The following ROBO2 variants were observed in gnomAD, a reference collection of about 807,000 sequenced individuals.
ROBO2 encodes roundabout homolog 2.
A neutral mutation model predicts 160.8 loss-of-function variants in ROBO2; 53 were observed. That is an observed-to-expected ratio of 0.33 (90% confidence interval 0.26 to 0.41). The LOEUF (loss-of-function observed/expected upper bound fraction) is 0.41. Among genes scored for constraint, ROBO2 ranks in the 10% least tolerant of loss-of-function variants. The pLI, the probability that ROBO2 is intolerant of heterozygous loss-of-function variation, is 1.00. For synonymous variants in ROBO2, 664 were observed against 611.7 expected (o/e 1.09, Z -1.26); for missense variants, 1,577 against 1,722.4 (o/e 0.92, Z 1.49).
chr3:76,502,972 G>A (rs1306016964), intron 2 of ROBO2, among the ~76,000 whole-genome samples: 1 of 151,002 alleles, frequency 6.6e-6, no homozygotes, highest in Non-Finnish European at 1.5e-5. Flanking sequence ...TCTCTTAGAG[G>A]GACAGAACTA....
At chr3:77,555,798 A>G (rs2093096812) in intron 8 of ROBO2, among the ~76,000 whole-genome samples, 1 of 151,930 alleles carries the variant, frequency 6.6e-6, no homozygotes, top group Admixed American at 6.6e-5. Flanking sequence ...TGGAATCCCT[A>G]AATGTTCATT....
intron 2 of ROBO2, among the ~76,000 whole-genome samples, chr3:76,397,369 G>C (rs148937282): frequency 0.029 from 4,362 of 152,018 alleles, 216 homozygotes; most frequent in African/African-American, 0.1. Flanking sequence ...ACCATAAAAA[G>C]CCTAGAAGAA....
chr3:76,185,012 C>T (rs1321768315), intron 2 of ROBO2, among the ~76,000 whole-genome samples: 3 of 151,696 alleles, frequency 2.0e-5, no homozygotes, highest in African/African-American at 7.3e-5. Flanking sequence ...GGAACACCCT[C>T]ACAGACATAC....
intron 2 of ROBO2, among the ~76,000 whole-genome samples, chr3:77,375,751 A>G (rs2153480644): frequency 6.6e-6 from 1 of 151,956 alleles, no homozygotes; most frequent in East Asian, 1.9e-4. Context: ...AGATATCCCC[A>G]TGCATTTGAG....
At chr3:76,413,686 C>T (rs1464155898) in intron 2 of ROBO2, among the ~76,000 whole-genome samples, 1 of 152,142 alleles carries the variant, frequency 6.6e-6, no homozygotes, top group African/African-American at 2.4e-5. Flanking sequence ...ACCTTATTGT[C>T]CATATCATTA....
chr3:75,935,523 C>G lies in ROBO2; in HGVS notation c.-13-1958C>G, dbSNP rs573519809. Among the ~76,000 whole-genome samples the G allele has an allele frequency of 2.6e-3, 402 of 152,068 alleles. 2 individuals are homozygous for G. The highest frequency in any genetic ancestry group is 3.7e-3 in the Non-Finnish European group (251 of 67,996). On this transcript the variant is annotated intron_variant, in intron 1 of 26. Coordinates refer to the ROBO2 transcript ENST00000487694. ...GGGAGACTTTAAAAAATAAATAAATCACAAAACACTTGTAATTCCAAATCC... is the reference window on the plus strand; with the variant it reads ...GGGAGACTTTAAAAAATAAATAAATGACAAAACACTTGTAATTCCAAATCC...
At chr3:77,562,032 G>A (rs1024226897) in intron 9 of ROBO2, among the ~76,000 whole-genome samples, 5 of 151,964 alleles carry the variant, frequency 3.3e-5, no homozygotes, top group African/African-American at 9.7e-5. Context: ...GAACCTAGGA[G>A]GCAGAGGTTG....
At chr3:76,294,346 T>C (rs534309150) in intron 2 of ROBO2, among the ~76,000 whole-genome samples, 176 of 152,134 alleles carry the variant, frequency 1.2e-3, no homozygotes, top group African/African-American at 4.0e-3. Flanking sequence ...TCCGGCTCAG[T>C]GGAGTGGATA....
chr3:77,063,247 C>G lies in ROBO2; in HGVS notation c.61+22401C>G, dbSNP rs780823114. ...CCCATCTGCCACCCCTAACCAGTTA[C>G]ATGAAATGGCTGGGAGAGGAGTGTA... On this transcript the variant is annotated intron_variant, in intron 1 of 25. Transcript: ENST00000461745. Among the ~76,000 whole-genome samples the G allele has an allele frequency of 2.3e-4, 35 of 152,152 alleles. 1 individual carries two copies. The highest frequency in any genetic ancestry group is 2.6e-4 in the Admixed American group (4 of 15,260).
intron 2 of ROBO2, among the ~76,000 whole-genome samples, chr3:76,687,598 C>T (rs1473299569): frequency 6.6e-6 from 1 of 151,948 alleles, no homozygotes; most frequent in Non-Finnish European, 1.5e-5. Context: ...TGGAGACATC[C>T]TTATGTAACA....
intron 2 of ROBO2, among the ~76,000 whole-genome samples, chr3:76,315,700 C>A (rs1485047111): frequency 6.6e-6 from 1 of 152,116 alleles, no homozygotes; most frequent in Non-Finnish European, 1.5e-5. Flanking sequence ...GTTATATGAA[C>A]TAATAAAAAA....
At chr3:77,638,678 T>C (rs1300129488) in intron 24 of ROBO2, among the ~76,000 whole-genome samples, 1 of 152,156 alleles carries the variant, frequency 6.6e-6, no homozygotes, top group Non-Finnish European at 1.5e-5. Context: ...GTCCAAATCT[T>C]GTATTCCATT....
chr3:76,037,548 C>G (rs2067150395), intron 2 of ROBO2, among the ~76,000 whole-genome samples: 1 of 151,966 alleles, frequency 6.6e-6, no homozygotes, highest in Non-Finnish European at 1.5e-5. Flanking sequence ...ATTTTCCAAT[C>G]ACTATTTATG....
chr3:76,625,779 A>G (rs2109351029), intron 2 of ROBO2, among the ~76,000 whole-genome samples: 1 of 152,344 alleles, frequency 6.6e-6, no homozygotes, highest in Admixed American at 6.5e-5. Context: ...AGGGAGTCGT[A>G]TCATACAGGA....
At chr3:76,010,695 G>C (rs1365920308) in intron 2 of ROBO2, among the ~76,000 whole-genome samples, 1 of 152,170 alleles carries the variant, frequency 6.6e-6, no homozygotes, top group Non-Finnish European at 1.5e-5. Context: ...TTAAAATTAT[G>C]ATTAATTTTA....
At chr3:76,308,646 C>T (rs1312032737) in intron 2 of ROBO2, among the ~76,000 whole-genome samples, 1 of 152,120 alleles carries the variant, frequency 6.6e-6, no homozygotes, top group East Asian at 1.9e-4. Context: ...CATTTGCTAC[C>T]CTCACTATTT....
intron 2 of ROBO2, among the ~76,000 whole-genome samples, chr3:76,425,646 A>G (rs2076192442): frequency 6.6e-6 from 1 of 152,046 alleles, no homozygotes; most frequent in Admixed American, 6.6e-5. Flanking sequence ...ACTCTATTCT[A>G]TGCTTAAAGT....
intron 2 of ROBO2, among the ~76,000 whole-genome samples, chr3:76,155,316 G>T (rs926476201): frequency 2.0e-5 from 3 of 152,102 alleles, no homozygotes; most frequent in African/African-American, 7.2e-5. Context: ...ACCTCAATCT[G>T]ATCCTGTTGA....
chr3:77,088,849 A>T (rs1481454843), intron 1 of ROBO2, among the ~76,000 whole-genome samples: 1 of 152,210 alleles, frequency 6.6e-6, no homozygotes, highest in Non-Finnish European at 1.5e-5. Context: ...AAGTATGAAC[A>T]GTAATCTAAA....
Sources: allele counts gnomAD v4.1 joint callset (sites outside exome capture counted in the v4.1 genomes callset), GRCh38; gene constraint gnomAD v4.1.1; transcripts MANE v1.5; gene names NCBI Gene and HGNC (gene_info 2026-07-23, HGNC 2026-07-21).